Variants in TKTL1 observed in about 807,000 individuals in gnomAD.
TKTL1 encodes the protein transketolase like 1, also known as transketolase-like protein 1.
Under a neutral mutation model 39.3 loss-of-function variants are expected in TKTL1, and 1 was observed. The observed-to-expected ratio is 0.03, with a 90% CI of 0.01 to 0.12. The LOEUF is 0.12. TKTL1 is among the 10% of genes least tolerant of loss of function. TKTL1 has a pLI of 1.00. For synonymous variants in TKTL1, 262 were observed against 193.8 expected, an observed-to-expected ratio of 1.35 and a Z score of -2.92; for missense variants, 575 against 509.6, an observed-to-expected ratio of 1.13 and a Z score of -1.24.
chrX:154,323,224 C>G lies in TKTL1; in HGVS notation c.1204C>G (p.Gln402Glu), dbSNP rs782672188. The change falls in exon 9 of 13, where the codon CAG (glutamine) becomes GAG (glutamate). Residue 402 changes from glutamine to glutamate, a missense_variant. Physicochemically the swap from Gln to Glu is conservative, Grantham distance 29. Transcript: ENST00000369915. ...GVSVGDDGAS[Q>E]MALEDIAMFR... ...TCTCTCAGGTGACGATGGTGCTTCC[C>G]AGATGGCCCTGGAGGATATAGCCAT... 2.8e-5 allele frequency: 34 copies of G among 1,210,721 alleles called. No homozygotes were observed. The South Asian group carries it at 4.9e-4, about 18-fold the overall frequency.
At position 154,328,107 on chromosome X, in the gene TKTL1, C is replaced by T. The variant is rs2067507139; in HGVS notation, c.1618+149C>T. The T allele has an allele frequency of 2.0e-5, 15 of 761,199 alleles. No individual in the cohort carries two copies. The South Asian group carries it at 3.1e-4, about 16-fold the overall frequency. The allele number at this position is 761,199 out of a possible 1,213,427, so 62.7% of individuals were successfully genotyped here. On this transcript the variant is annotated intron_variant, in intron 12 of 12. Transcript: ENST00000369915. ...GATGTTCACTAAGCGTGGGGCCATACTCATACACATCTGTGTGTCCCCAAC... is the reference window on the plus strand; with the variant it reads ...GATGTTCACTAAGCGTGGGGCCATATTCATACACATCTGTGTGTCCCCAAC...
intron 1 of TKTL1, among the ~76,000 whole-genome samples, chrX:154,297,616 A>G (rs2067241065): frequency 9.0e-6 from 1 of 111,719 alleles, no homozygotes; most frequent in Non-Finnish European, 1.9e-5. Flanking sequence ...CTGGCTTCAT[A>G]GGATGAGTTT....
At chrX:154,312,413 C>G (rs1378702280) in intron 5 of TKTL1, among the ~76,000 whole-genome samples, 167 bp from the exon 6 acceptor site, 2 of 112,388 alleles carry the variant, frequency 1.8e-5, no homozygotes. Flanking sequence ...GGCCTTTGTC[C>G]AAGCTGTTCT....
chrX:154,300,985 C>G (rs191187454), intron 1 of TKTL1, among the ~76,000 whole-genome samples: 339 of 109,839 alleles, frequency 3.1e-3, no homozygotes, highest in African/African-American at 0.011. Context: ...GTGAGCCAAC[C>G]GCGCCTGGCC....
chrX:154,315,689 C>G (rs2067393945), intron 7 of TKTL1, among the ~76,000 whole-genome samples: 1 of 111,729 alleles, frequency 9.0e-6, no homozygotes, highest in Admixed American at 9.5e-5. Flanking sequence ...TGCAACCACC[C>G]AGAGGCACAC....
intron 5 of TKTL1, 89 bp from the exon 6 acceptor site, chrX:154,312,491 C>A (rs782578939): frequency 6.2e-6 from 6 of 970,041 alleles, no homozygotes; most frequent in Non-Finnish European, 8.4e-6. Flanking sequence ...AGGGTGACAT[C>A]TTTTTCATCG....
chrX:154,308,045 C>A (rs181932584), intron 2 of TKTL1, among the ~76,000 whole-genome samples: 1 of 111,808 alleles, frequency 8.9e-6, no homozygotes, highest in Non-Finnish European at 1.9e-5. Flanking sequence ...GTGATGACCT[C>A]GCTCATCTCT....
At chrX:154,311,984 C>A (rs782422244) in intron 5 of TKTL1, among the ~76,000 whole-genome samples, 6 of 110,920 alleles carry the variant, frequency 5.4e-5, no homozygotes, top group African/African-American at 9.9e-5. Flanking sequence ...CCACACCCAT[C>A]ATCTCTCCCA....
intron 7 of TKTL1, among the ~76,000 whole-genome samples, chrX:154,315,690 A>G (rs1331801696): frequency 3.6e-5 from 4 of 111,869 alleles, no homozygotes; most frequent in Non-Finnish European, 5.7e-5. Flanking sequence ...GCAACCACCC[A>G]GAGGCACACT....
intron 1 of TKTL1, among the ~76,000 whole-genome samples, chrX:154,300,934 A>T (rs1557165773): frequency 3.7e-5 from 4 of 109,384 alleles, no homozygotes. Context: ...ACCTCAGGTG[A>T]TCTGCCCATC....
intron 8 of TKTL1, among the ~76,000 whole-genome samples, chrX:154,321,581 G>A (rs782706626): frequency 5.2e-4 from 56 of 108,543 alleles, no homozygotes; most frequent in Non-Finnish European, 9.4e-4. Flanking sequence ...CTGCAATGGC[G>A]TGAAGAGCAA....
rs144025555 is a variant in TKTL1 at position 154,316,444 on chromosome X, A to G, written c.1029+1107A>G. Among the ~76,000 whole-genome samples the G allele has an allele frequency of 3.4e-4, 38 of 111,612 alleles. No individual in the cohort carries two copies. The East Asian group carries it at 0.011, about 31-fold the overall frequency. ...TATAGGTGTAGTGGCACCAGCCTGC[A>G]GTCCCAGCTACTCGGGACTCTAAGG... On this transcript the variant is annotated intron_variant, in intron 7 of 12. Coordinates refer to ENST00000369915, the MANE Select transcript of TKTL1 (RefSeq NM_012253.4).
intron 7 of TKTL1, among the ~76,000 whole-genome samples, chrX:154,316,771 G>C (rs142373387): frequency 9.9e-6 from 1 of 100,590 alleles, no homozygotes; most frequent in Non-Finnish European, 2.0e-5. Flanking sequence ...TTTTTTGGGG[G>C]TTTTTTTTTT....
At chrX:154,301,836 G>T (rs1463295636) in intron 1 of TKTL1, among the ~76,000 whole-genome samples, 1 of 104,867 alleles carries the variant, frequency 9.5e-6, no homozygotes, top group Non-Finnish European at 1.9e-5. Context: ...CAGGTGATCC[G>T]CCCACCTCGG....
chrX:154,322,569 G>T (rs2067460338), intron 8 of TKTL1, among the ~76,000 whole-genome samples: 1 of 111,352 alleles, frequency 9.0e-6, no homozygotes, highest in African/African-American at 3.3e-5. Context: ...AAAGAGCTGG[G>T]CTGTTGAGGT....
intron 12 of TKTL1, among the ~76,000 whole-genome samples, chrX:154,328,761 C>G (rs2067514274): frequency 9.1e-6 from 1 of 109,735 alleles, no homozygotes; most frequent in Non-Finnish European, 1.9e-5. Flanking sequence ...TGAGCCTGCA[C>G]AAGCGGTGCC....
At chrX:154,319,532 A>T (rs923346193) in intron 7 of TKTL1, among the ~76,000 whole-genome samples, 7 of 111,874 alleles carry the variant, frequency 6.3e-5, no homozygotes, top group Non-Finnish European at 1.3e-4. Flanking sequence ...ATCACCTGTC[A>T]GTTCGAGACC....
At chrX:154,316,260 C>T (rs782415360) in intron 7 of TKTL1, among the ~76,000 whole-genome samples, 4 of 110,634 alleles carry the variant, frequency 3.6e-5, no homozygotes, top group South Asian at 7.7e-4. Context: ...TTAGTAGAGA[C>T]GGGGTTTCAC....
chrX:154,304,526 G>T (rs1246819894), intron 1 of TKTL1, among the ~76,000 whole-genome samples: 3 of 109,798 alleles, frequency 2.7e-5, no homozygotes. Context: ...AGCCCAGGAG[G>T]TCGAGGCTGC....
Sources: allele counts gnomAD v4.1 joint callset (sites outside exome capture counted in the v4.1 genomes callset), GRCh38; gene constraint gnomAD v4.1.1; transcripts MANE v1.5; gene names NCBI Gene and HGNC (gene_info 2026-07-23, HGNC 2026-07-21).